PLA2G6: variants seen among roughly 807,000 people sequenced by gnomAD.
The protein encoded by PLA2G6 is phospholipase A2 group VI.
Under a neutral mutation model 83.8 loss-of-function variants are expected in PLA2G6, and 62 were observed. The ratio of observed to expected loss-of-function variants is 0.74; its 90% CI spans 0.60 to 0.91. The LOEUF (loss-of-function observed/expected upper bound fraction) is 0.91, where lower values mean the gene tolerates loss of function less well. Ranked by LOEUF, PLA2G6 falls within the 40% of genes least tolerant of loss-of-function variation. The pLI is 0.00. For synonymous variants in PLA2G6, 417 were observed against 449.8 expected (o/e 0.93, Z 0.92); for missense variants, 944 against 1,102.0 (o/e 0.86, Z 2.03).
chr22:38,120,958 G>A, intron 11 of PLA2G6, 49 bp from the exon 12 acceptor site: 1 of 1,605,778 alleles, frequency 6.2e-7, no homozygotes, highest in Non-Finnish European at 8.5e-7. Flanking sequence ...CCACACGCAG[G>A]GCTCCCGTAG....
chr22:38,127,449 G>A, intron 9 of PLA2G6: 1 of 1,331,778 alleles, frequency 7.5e-7, no homozygotes, highest in East Asian at 5.0e-5. Context: ...GGCCTGGCTT[G>A]GGTGACTGCC....
intron 13 of PLA2G6, 190 bp from the exon 14 acceptor site, chr22:38,115,871 T>C (rs2087159879): frequency 6.8e-7 from 1 of 1,480,296 alleles, no homozygotes; most frequent in Non-Finnish European, 8.9e-7. Flanking sequence ...CAGGTACAGC[T>C]GAGGACTTTC....
chr22:38,118,868 C>T (rs1290911486), intron 12 of PLA2G6, among the ~76,000 whole-genome samples: 2 of 151,934 alleles, frequency 1.3e-5, no homozygotes, highest in African/African-American at 4.8e-5. Flanking sequence ...ATCCTCCCAC[C>T]TCAGCCTCTC....
At position 38,112,020 on chromosome 22, in the gene PLA2G6, C is replaced by T. The variant is rs1012663872; in HGVS notation, c.*141G>A. ...GCCTTCAGGACCAGCCTCGGGCAGGCAGCTTGGCATTCTCCCAGGCCTGGT... is the reference window on the plus strand; with the variant it reads ...GCCTTCAGGACCAGCCTCGGGCAGGTAGCTTGGCATTCTCCCAGGCCTGGT... On this transcript the variant is annotated 3_prime_UTR_variant, in exon 17 of 17. Coordinates refer to ENST00000332509, the MANE Select transcript of PLA2G6 (RefSeq NM_003560.4). The T allele has an allele frequency of 3.1e-6, 3 of 960,378 alleles. No homozygotes were observed. The highest frequency in any genetic ancestry group is 2.6e-5 in the East Asian group (1 of 38,036). The allele number at this position is 960,378 out of a possible 1,614,324, so 59.5% of individuals were successfully genotyped here. A position where few individuals can be genotyped will look rare whatever the true frequency, so the allele number is the denominator to read the frequency against.
intron 3 of PLA2G6, chr22:38,143,573 G>T (rs1325501023): frequency 9.3e-6 from 5 of 535,912 alleles, no homozygotes; most frequent in Non-Finnish European, 1.7e-5. Flanking sequence ...AAGGGTCACA[G>T]AACACGGATA....
At chr22:38,117,365 G>A (rs1337393520) in intron 12 of PLA2G6, among the ~76,000 whole-genome samples, 1 of 151,962 alleles carries the variant, frequency 6.6e-6, no homozygotes. Flanking sequence ...CCGCCACCAC[G>A]CCCGGCTAAT....
chr22:38,128,461 A>G lies in PLA2G6; in HGVS notation c.1187-31T>C, dbSNP rs748791919. The G allele has an allele frequency of 1.2e-5, 20 of 1,611,594 alleles. No homozygotes were observed. The highest frequency in any genetic ancestry group is 5.0e-5 in the Admixed American group (3 of 59,934). ...CATGGTTTGGGGAAGGGGAGATGGC[A>G]CAGGATCAGAAATGATGTCAACATG... On this transcript the variant is annotated intron_variant, in intron 8 of 16. Transcript: ENST00000332509. The surrounding 1 kb of genome is among the most constrained non-coding windows in gnomAD (Gnocchi z 4.4).
chr22:38,148,199 T>C (rs1050821663), intron 2 of PLA2G6: 11 of 339,920 alleles, frequency 3.2e-5, no homozygotes, highest in Admixed American at 1.4e-4. Context: ...CTGATTAAAG[T>C]GGGTTTAAGG....
At chr22:38,153,079 T>C (rs896806635) in intron 2 of PLA2G6, among the ~76,000 whole-genome samples, 2 of 152,064 alleles carry the variant, frequency 1.3e-5, no homozygotes, top group Non-Finnish European at 2.9e-5. Context: ...TATATCTTGA[T>C]TGTGGTGGTG....
At position 38,181,163 on chromosome 22, in the gene PLA2G6, G is replaced by A. The variant is rs73884644; in HGVS notation, c.-46+501C>T. 5.4e-3 allele frequency among the ~76,000 whole-genome samples: 816 copies of A among 152,246 alleles called. 5 individuals are homozygous for A. Among genetic ancestry groups the A allele is most frequent in the African/African-American group, 0.018 (765 of 41,546 alleles). ...TCCAAGTCATCTGTGGGAGCAGGAGGTGGACACAGGATTAGGGGTGGGAGA... is the reference window on the plus strand; with the variant it reads ...TCCAAGTCATCTGTGGGAGCAGGAGATGGACACAGGATTAGGGGTGGGAGA... On this transcript the variant is annotated intron_variant, in intron 1 of 16. Transcript: ENST00000332509.
chr22:38,123,041 T>C lies in PLA2G6; in HGVS notation c.1591+54A>G. ...AAGCCCTGAAGACAAACTCGGCCCC[T>C]TGAGGACACAGGTCTCAGCCCCGCC... On this transcript the variant is annotated intron_variant, in intron 11 of 16. Coordinates refer to ENST00000332509, the MANE Select transcript of PLA2G6 (RefSeq NM_003560.4). The surrounding 1 kb of genome is among the most constrained non-coding windows in gnomAD (Gnocchi z 4.1). 6.6e-7 allele frequency: 1 copy of C among 1,510,186 alleles called. No homozygotes were observed. The highest frequency in any genetic ancestry group is 2.5e-5 in the East Asian group (1 of 40,716). 93.5% of individuals were successfully genotyped at this position (1,510,186 alleles called of 1,614,324 possible).
intron 2 of PLA2G6, 54 bp downstream of exon 2, chr22:38,169,164 C>G: frequency 7.2e-7 from 1 of 1,394,202 alleles, no homozygotes; most frequent in Middle Eastern, 1.8e-4. Flanking sequence ...ACCTCCAATC[C>G]GAGACGTGGG....
rs893770873 is a variant in PLA2G6 at position 38,123,453 on chromosome 22, G to C, written c.1428-195C>G. On this transcript the variant is annotated intron_variant, in intron 10 of 16. Transcript: ENST00000332509. The surrounding 1 kb of genome is among the most constrained non-coding windows in gnomAD (Gnocchi z 4.1). ...AAGGAACAAATGTCTAGTATTTCAG[G>C]GGCTGGAGAGTGCAACAGAGAAAGG... 4.6e-5 allele frequency among the ~76,000 whole-genome samples: 7 copies of C among 152,160 alleles called. No individual in the cohort carries two copies. The highest frequency in any genetic ancestry group is 1.7e-4 in the African/African-American group (7 of 41,434).
intron 1 of PLA2G6, among the ~76,000 whole-genome samples, chr22:38,173,258 G>A (rs554121792): frequency 3.3e-5 from 5 of 152,062 alleles, no homozygotes; most frequent in South Asian, 2.1e-4. Flanking sequence ...TTCTCACAGC[G>A]TCCTACCCTT....
rs1488896022 is a variant in PLA2G6 at position 38,129,572 on chromosome 22, A to G, written c.1078-10T>C. 1 of 1,603,892 alleles carries G rather than the reference A, an allele frequency of 6.2e-7. No individual in the cohort carries two copies. The highest frequency in any genetic ancestry group is 8.5e-7 in the Non-Finnish European group (1 of 1,170,862). On this transcript the variant is annotated splice_polypyrimidine_tract_variant and intron_variant, in intron 7 of 16. Transcript: ENST00000332509. ...TCTCCACGTTGTCTTTCTGTTGGAG[A>G]TGGAGAGAGGATAAGACGTGCAACT...
intron 2 of PLA2G6, among the ~76,000 whole-genome samples, chr22:38,165,670 G>C (rs566916574): frequency 6.6e-6 from 1 of 152,024 alleles, no homozygotes. Flanking sequence ...TCAGGAGATC[G>C]AGACCATCCT....
chr22:38,175,208 A>C (rs1277521627), intron 1 of PLA2G6, among the ~76,000 whole-genome samples: 1 of 152,136 alleles, frequency 6.6e-6, no homozygotes, highest in Non-Finnish European at 1.5e-5. Context: ...TGCGCTCTCC[A>C]GTTCCTGCTG....
In PLA2G6 at chr22:38,121,025, G is replaced by A; in HGVS notation, c.1592-116C>T. ...TGGCAGGAGGAAGCGGGTTTACCGAGGCCTAAGCAAACCCAAATTCTGGGC... is the reference window on the plus strand; with the variant it reads ...TGGCAGGAGGAAGCGGGTTTACCGAAGCCTAAGCAAACCCAAATTCTGGGC... On this transcript the variant is annotated intron_variant, in intron 11 of 16. Coordinates refer to ENST00000332509, the MANE Select transcript of PLA2G6 (RefSeq NM_003560.4). 3.9e-6 allele frequency: 5 copies of A among 1,271,972 alleles called. No homozygotes were observed. The South Asian group carries it at 6.5e-5, about 17-fold the overall frequency. 78.8% of individuals were successfully genotyped at this position (1,271,972 alleles called of 1,614,324 possible). A position where few individuals can be genotyped will look rare whatever the true frequency, so the allele number is the denominator to read the frequency against.
Position 38,152,141 on chromosome 22 carries a change from C to T in PLA2G6, c.210-6488G>A, listed in dbSNP as rs1042949506. Among the ~76,000 whole-genome samples, 7 of 152,188 alleles carry T rather than the reference C, an allele frequency of 4.6e-5. No individual in the cohort carries two copies. In the East Asian group the frequency reaches 1.4e-3, roughly 29 times the overall value. ...GGGGTGGATCCCTCATGAATGAATG[C>T]CCTCCCTGTGGGGTGGGGGTGAGTG... On this transcript the variant is annotated intron_variant, in intron 2 of 16. Coordinates refer to ENST00000332509, the MANE Select transcript of PLA2G6 (RefSeq NM_003560.4).
Sources: gnomAD v4.1 joint callset for allele counts (sites outside exome capture counted in the v4.1 genomes callset) on GRCh38, gnomAD v4.1.1 for gene constraint, Gnocchi (gnomAD v3.1) non-coding constraint, MANE v1.5 for transcripts, NCBI Gene and HGNC (gene_info 2026-07-23, HGNC 2026-07-21) for gene names.